Variants in CDH7 observed in about 807,000 individuals in gnomAD.
CDH7 encodes cadherin 7.
In CDH7, 25 loss-of-function variants were observed where a neutral mutation model predicts 71.8. The ratio of observed to expected loss-of-function variants is 0.35; its 90% CI spans 0.25 to 0.49. The LOEUF (loss-of-function observed/expected upper bound fraction) is 0.49, where lower values mean the gene tolerates loss of function less well. CDH7 is among the 20% of genes least tolerant of loss of function. The pLI, the probability that CDH7 is intolerant of heterozygous loss-of-function variation, is 0.99. For synonymous variants in CDH7, 381 were observed against 363.8 expected (o/e 1.05, Z -0.54); for missense variants, 862 against 974.6 (o/e 0.88, Z 1.54).
chr18:65,757,301 A>G (rs1320739049), intron 1 of CDH7, among the ~76,000 whole-genome samples: 1 of 152,192 alleles, frequency 6.6e-6, no homozygotes. Flanking sequence ...AAATAATTGG[A>G]ACAAAATGGT....
chr18:65,794,481 A>C (rs1910834727), intron 2 of CDH7, among the ~76,000 whole-genome samples: 1 of 152,076 alleles, frequency 6.6e-6, no homozygotes, highest in African/African-American at 2.4e-5. Flanking sequence ...TATTCAGAGC[A>C]GTAATGGGTG....
At position 65,798,455 on chromosome 18, in the gene CDH7, T is replaced by C. The variant is rs545267847; in HGVS notation, c.211-11249T>C. Among the ~76,000 whole-genome samples the C allele has an allele frequency of 3.1e-3, 476 of 152,312 alleles. 12 individuals are homozygous for C. Among genetic ancestry groups the C allele is most frequent in the Admixed American group, 0.028 (432 of 15,304 alleles). On this transcript the variant is annotated intron_variant, in intron 2 of 11. Transcript: ENST00000397968. ...GTACCAAGGAGCCAAGCTCTGTGAT[T>C]CATTAGTTACTGAGTTGGAAATGTG...
At chr18:65,833,122 AATAATACAGC>A (rs1201012292) in intron 6 of CDH7, among the ~76,000 whole-genome samples, 2 of 152,310 alleles carry the variant, frequency 1.3e-5, no homozygotes, top group Non-Finnish European at 2.9e-5. Flanking sequence ...ATGAAGTCAA[AATAATACAGC>A]ATTATGTGGA....
intron 11 of CDH7, among the ~76,000 whole-genome samples, chr18:65,872,958 TAAAC>T (rs1303040989): frequency 6.6e-6 from 1 of 151,698 alleles, no homozygotes. Flanking sequence ...AAAACAGAAT[TAAAC>T]AATTTTTGAA....
intron 2 of CDH7, among the ~76,000 whole-genome samples, chr18:65,782,667 G>C (rs188458240): frequency 3.9e-5 from 6 of 152,126 alleles, no homozygotes; most frequent in Non-Finnish European, 7.4e-5. Flanking sequence ...TGAGACTATG[G>C]TCCCAACGTT....
chr18:65,781,902 A>ATCTTTCTC (rs1472291139), intron 2 of CDH7, among the ~76,000 whole-genome samples: 1,849 of 20,250 alleles, frequency 0.091, 232 homozygotes, highest in Middle Eastern at 0.21. Context: ...CTTTCTCTCT[A>ATCTTTCTC]TCTTTCTCTC....
chr18:65,795,752 G>A (rs1910888600), intron 2 of CDH7, among the ~76,000 whole-genome samples: 2 of 152,050 alleles, frequency 1.3e-5, no homozygotes, highest in Admixed American at 1.3e-4. Flanking sequence ...GAAATGGTTT[G>A]GCTTTGTGTC....
intron 2 of CDH7, among the ~76,000 whole-genome samples, chr18:65,792,255 G>T (rs1910741525): frequency 7.0e-6 from 1 of 142,230 alleles, no homozygotes; most frequent in African/African-American, 2.6e-5. Context: ...ATTTGGGAAA[G>T]AGAAGAAGAA....
At chr18:65,819,399 A>T (rs1911837738) in intron 4 of CDH7, among the ~76,000 whole-genome samples, 1 of 152,188 alleles carries the variant, frequency 6.6e-6, no homozygotes, top group Admixed American at 6.5e-5. Context: ...GTTGCTGTCC[A>T]AAACCACTGG....
chr18:65,835,942 G>A (rs979580267), intron 6 of CDH7, among the ~76,000 whole-genome samples: 1 of 152,136 alleles, frequency 6.6e-6, no homozygotes, highest in African/African-American at 2.4e-5. Flanking sequence ...ATAATTGGGT[G>A]CAGTATAATC....
intron 2 of CDH7, among the ~76,000 whole-genome samples, chr18:65,786,904 G>A (rs999871730): frequency 3.9e-5 from 6 of 151,986 alleles, no homozygotes; most frequent in African/African-American, 1.2e-4. Flanking sequence ...GCCCAGGCTG[G>A]TCTCGAACTC....
intron 11 of CDH7, among the ~76,000 whole-genome samples, chr18:65,873,788 A>C (rs1418097911): frequency 1.3e-5 from 2 of 152,216 alleles, no homozygotes; most frequent in Non-Finnish European, 2.9e-5. Flanking sequence ...CCCTCAAGTC[A>C]CATTTCAAAT....
intron 2 of CDH7, among the ~76,000 whole-genome samples, chr18:65,802,746 G>A (rs1398852620): frequency 6.6e-6 from 1 of 152,192 alleles, no homozygotes; most frequent in Non-Finnish European, 1.5e-5. Flanking sequence ...TTCTTAAGTT[G>A]TGTGAGAGTT....
chr18:65,804,983 C>A (rs1378233353), intron 2 of CDH7, among the ~76,000 whole-genome samples: 1 of 151,054 alleles, frequency 6.6e-6, no homozygotes, highest in African/African-American at 2.4e-5. Context: ...ATTTTTTTTT[C>A]TTTAAAAAGC....
At chr18:65,815,289 G>C (rs889192018) in intron 4 of CDH7, among the ~76,000 whole-genome samples, 1 of 152,122 alleles carries the variant, frequency 6.6e-6, no homozygotes, top group Non-Finnish European at 1.5e-5. Flanking sequence ...TCCTGTGTGT[G>C]TAGGGAAGGG....
chr18:65,781,374 C>T (rs1910179776), intron 2 of CDH7, among the ~76,000 whole-genome samples: 1 of 152,102 alleles, frequency 6.6e-6, no homozygotes, highest in Non-Finnish European at 1.5e-5. Context: ...AATAAGGAAT[C>T]AGGTTAACAT....
chr18:65,844,017 T>C lies in CDH7; in HGVS notation c.1187T>C (p.Ile396Thr). 6.2e-7 allele frequency: 1 copy of C among 1,613,120 alleles called. No individual in the cohort carries two copies. The highest frequency in any genetic ancestry group is 8.5e-7 in the Non-Finnish European group (1 of 1,179,432). Reference protein sequence around the residue: ...VSEATQVGNIIGTVAAHDPDS... With the variant: ...VSEATQVGNITGTVAAHDPDS... The stretch of plus-strand genomic sequence containing the variant: ...GAAGCTACCCAGGTTGGGAATATCA[T>C]TGGCACTGTAGCAGCTCATGACCCA... The change falls in exon 7 of 12, where the codon ATT (isoleucine) becomes ACT (threonine). Residue 396 changes from isoleucine (I) to threonine (T), a missense_variant. Coordinates refer to ENST00000397968, the MANE Select transcript of CDH7 (RefSeq NM_004361.5).
At chr18:65,753,889 G>C (rs1231360732) in intron 1 of CDH7, among the ~76,000 whole-genome samples, 1 of 152,138 alleles carries the variant, frequency 6.6e-6, no homozygotes, top group Admixed American at 6.5e-5. Flanking sequence ...TTATAGTATA[G>C]ATTTTCATTC....
intron 2 of CDH7, among the ~76,000 whole-genome samples, chr18:65,795,824 A>T (rs759143974): frequency 2.0e-5 from 3 of 152,196 alleles, no homozygotes; most frequent in Middle Eastern, 3.4e-3. Flanking sequence ...GGAGGGATCC[A>T]GTGGGAGGTA....
Sources: allele counts gnomAD v4.1 joint callset (sites outside exome capture counted in the v4.1 genomes callset), GRCh38; gene constraint gnomAD v4.1.1; transcripts MANE v1.5; gene names NCBI Gene and HGNC (gene_info 2026-07-23, HGNC 2026-07-21).